Variants in SMG9 observed in about 807,000 individuals in gnomAD.
The protein encoded by SMG9 is nonsense-mediated mRNA decay factor SMG9.
A neutral mutation model predicts 64.0 loss-of-function variants in SMG9; 55 were observed. That is an observed-to-expected ratio of 0.86 (90% CI 0.69 to 1.08). The LOEUF (loss-of-function observed/expected upper bound fraction) is 1.08, where lower values mean the gene tolerates loss of function less well. SMG9 is among the 50% of genes least tolerant of loss of function. SMG9 has a pLI of 0.00. For synonymous variants in SMG9, 244 were observed against 254.8 expected (o/e 0.96, Z 0.41); for missense variants, 554 against 681.3 (o/e 0.81, Z 2.08).
chr19:43,734,150 T>A, intron 10 of SMG9: 1 of 563,548 alleles, frequency 1.8e-6, no homozygotes, highest in South Asian at 2.3e-5. Flanking sequence ...ACCTGGGGCC[T>A]GTCCCATTCC....
At position 43,730,039 on chromosome 19, in the gene SMG9, AC is replaced by A. The variant is rs1205670887; in HGVS notation, c.*1556del. ...GCCCTGCTGAGTGCTTTCTTCACTG[AC>A]CCCCCGCCCCCCCTCACTTCAGTTG... On this transcript the variant is annotated 3_prime_UTR_variant, in exon 14 of 14. Coordinates refer to ENST00000270066, the MANE Select transcript of SMG9 (RefSeq NM_019108.4). 22 of 151,288 alleles carry A rather than the reference AC, an allele frequency of 1.5e-4. No individual in the cohort carries two copies. The East Asian group carries it at 3.9e-3, about 27-fold the overall frequency. 9.4% of individuals were successfully genotyped at this position (151,288 alleles called of 1,614,324 possible). A position where few individuals can be genotyped will look rare whatever the true frequency, so the allele number is the denominator to read the frequency against.
chr19:43,745,696 G>GT (rs2146394232), intron 5 of SMG9, among the ~76,000 whole-genome samples: 1 of 152,126 alleles, frequency 6.6e-6, no homozygotes, highest in African/African-American at 2.4e-5. Context: ...GTGAAACTCC[G>GT]TCTCTACCAA....
At position 43,748,018 on chromosome 19, in the gene SMG9, T is replaced by G; in HGVS notation, c.185A>C (p.Gln62Pro). ...ASEETSTSVM[Q>P]KTPIILSKPP... Reference sequence around the variant, plus strand: ...TTTTGAGAGGATGATGGGGGTTTTCTGCATGACGGAAGTGCTTGTCTCTTC... The same window carrying G: ...TTTTGAGAGGATGATGGGGGTTTTCGGCATGACGGAAGTGCTTGTCTCTTC... The change falls in exon 3 of 14, where the codon CAG becomes CCG. Residue 62 changes from glutamine to proline, a missense_variant. By Grantham distance (76) the Gln-to-Pro change is moderately conservative. Transcript: ENST00000270066. The G allele has an allele frequency of 6.2e-7, 1 of 1,613,274 alleles. No homozygotes were observed. Among genetic ancestry groups the G allele is most frequent in the East Asian group, 2.2e-5 (1 of 44,864 alleles).
At position 43,729,289 on chromosome 19, in the gene SMG9, G is replaced by C. The variant is rs981693292; in HGVS notation, c.*2307C>G. 1 of 152,318 alleles carries C rather than the reference G, an allele frequency of 6.6e-6. No individual in the cohort carries two copies. Among genetic ancestry groups the C allele is most frequent in the African/African-American group, 2.4e-5 (1 of 41,432 alleles). 9.4% of individuals were successfully genotyped at this position (152,318 alleles called of 1,614,324 possible). A position where few individuals can be genotyped will look rare whatever the true frequency, so the allele number is the denominator to read the frequency against. ...CATCCGGGCATCCTGGTCACCTGCA[G>C]CACCTCCTTCACCACCATCTACCGG... On this transcript the variant is annotated 3_prime_UTR_variant, in exon 14 of 14. Transcript: ENST00000270066.
chr19:43,754,876 G>C lies in SMG9; in HGVS notation c.-229C>G, dbSNP rs1227954179. ...CTGGGCCGAAGGAAGAAGAGGAGGA[G>C]GATGTAACGCGGGCCCGAGCTGAGA... is the stretch of plus-strand genomic sequence containing the variant. On this transcript the variant is annotated 5_prime_UTR_variant, in exon 1 of 14. Coordinates refer to ENST00000270066, the MANE Select transcript of SMG9 (RefSeq NM_019108.4). 6.6e-6 allele frequency: 1 copy of C among 152,384 alleles called. No individual in the cohort carries two copies. The highest frequency in any genetic ancestry group is 2.4e-5 in the African/African-American group (1 of 41,476). The allele number at this position is 152,384 out of a possible 1,614,324, so 9.4% of individuals were successfully genotyped here.
intron 9 of SMG9, 47 bp from the exon 10 acceptor site, chr19:43,734,542 G>T: frequency 7.4e-7 from 1 of 1,346,768 alleles, no homozygotes; most frequent in Non-Finnish European, 1.0e-6. Context: ...TTGCACCCCA[G>T]GTCCCACAGC....
At position 43,733,711 on chromosome 19, in the gene SMG9, G is replaced by A. The variant is rs775687141; in HGVS notation, c.1125C>T (p.Arg375=). Residue 375 remains arginine, a synonymous_variant, in exon 11 of 14, where the codon CGC becomes CGT. Transcript: ENST00000270066. ...PHLVFLQNKA[R]REDFCPRKLR... ...GCTTCCGAGGACAGAAGTCCTCTCG[G>A]CGAGCTTTGTTCTGCAAGAAGACTG... is the stretch of plus-strand genomic sequence containing the variant. 11 of 1,614,046 alleles carry A rather than the reference G, an allele frequency of 6.8e-6. No individual in the cohort carries two copies.
rs756890866 is a variant in SMG9 at position 43,732,914 on chromosome 19, T to C, written c.1428A>G (p.Gln476=). The C allele has an allele frequency of 1.2e-5, 19 of 1,613,804 alleles. No homozygotes were observed. The highest frequency in any genetic ancestry group is 1.6e-5 in the Non-Finnish European group (19 of 1,179,994). The change falls in exon 13 of 14, where the codon CAA becomes CAG. Residue 476 remains glutamine, a synonymous_variant. Transcript: ENST00000270066. ...FQSLVSKLRS[Q]VMSMARPQLS... ...GCTGTGGCCGGGCCATGGACATCAC[T>C]TGGCTCCGGAGCTTGCTCACCAAGG...
intron 1 of SMG9, among the ~76,000 whole-genome samples, chr19:43,753,737 C>T (rs1016857725): frequency 2.6e-5 from 4 of 151,976 alleles, no homozygotes; most frequent in Non-Finnish European, 5.9e-5. Flanking sequence ...ATCGGATTCC[C>T]CGGGTAAGCC....
In SMG9 at chr19:43,747,659, C is replaced by A; in HGVS notation, c.464G>T (p.Gly155Val). 1 of 1,613,164 alleles carries A rather than the reference C, an allele frequency of 6.2e-7. No homozygotes were observed. The highest frequency in any genetic ancestry group is 8.5e-7 in the Non-Finnish European group (1 of 1,179,598). ...GTCCATGGCTGCTGGTGCGGCAGTGCCCATGCCCCGGTTCTGGATCTGGTA... is the reference window on the plus strand; with the variant it reads ...GTCCATGGCTGCTGGTGCGGCAGTGACCATGCCCCGGTTCTGGATCTGGTA... ...PVYQIQNRGM[G>V]TAAPAAMDPV... Residue 155 changes from glycine (G) to valine (V), a missense_variant, in exon 4 of 14, where the codon GGC becomes GTC. Physicochemically the swap from Gly to Val is moderately radical, Grantham distance 109 (BLOSUM62 -3). Coordinates refer to ENST00000270066, the MANE Select transcript of SMG9 (RefSeq NM_019108.4).
chr19:43,737,903 C>G, intron 8 of SMG9: 2 of 648,726 alleles, frequency 3.1e-6, no homozygotes, highest in East Asian at 2.7e-5. Context: ...GCTGAGGCGT[C>G]AAAGGGGAGG....
chr19:43,738,182 G>A lies in SMG9; in HGVS notation c.849C>T (p.Ile283=). The stretch of plus-strand genomic sequence containing the variant: ...CTGGAGGCAGTTTGCGGTCATTATT[G>A]ATGAGATGGTCTAGGATAGAAGGGC... ...ILSPSILDHL[I]NNDRKLPPEY... Residue 283 remains isoleucine, a synonymous_variant, in exon 8 of 14, where the codon ATC becomes ATT. Coordinates refer to ENST00000270066, the MANE Select transcript of SMG9 (RefSeq NM_019108.4). 2 of 1,614,128 alleles carry A rather than the reference G, an allele frequency of 1.2e-6. No homozygotes were observed. Among genetic ancestry groups the A allele is most frequent in the Non-Finnish European group, 1.7e-6 (2 of 1,180,008 alleles).
intron 6 of SMG9, among the ~76,000 whole-genome samples, chr19:43,740,718 T>C (rs1968820625): frequency 1.3e-5 from 2 of 152,054 alleles, no homozygotes; most frequent in South Asian, 4.1e-4. Flanking sequence ...ATCCCAGGCA[T>C]TGGAGAGAGA....
At chr19:43,740,763 A>G (rs759672410) in intron 6 of SMG9, among the ~76,000 whole-genome samples, 1 of 151,192 alleles carries the variant, frequency 6.6e-6, no homozygotes. Context: ...AGTGAGAGAG[A>G]GTTTGGGTCT....
At position 43,747,852 on chromosome 19, in the gene SMG9, G is replaced by A. The variant is rs1241171957; in HGVS notation, c.271C>T (p.Pro91Ser). The change falls in exon 4 of 14, where the codon CCA becomes TCA. Residue 91 changes from proline (P) to serine (S), a missense_variant. Pro to Ser is a moderately conservative substitution (Grantham distance 74, BLOSUM62 -1). Transcript: ENST00000270066. ...ACGATGGGCTTCTCCAGAGGGGCTG[G>A]AGCAGGCGGGGCAGCAGGGGCTGTT... The part of the protein sequence containing the change: ...PPTAPAAPPA[P>S]APLEKPIVLM... The A allele has an allele frequency of 6.2e-7, 1 of 1,607,946 alleles. No homozygotes were observed. Among genetic ancestry groups the A allele is most frequent in the South Asian group, 1.1e-5 (1 of 90,152 alleles).
rs373188631 is a variant in SMG9, at chr19:43,731,027, T to C, written c.*569A>G. 337 of 751,708 alleles carry C rather than the reference T, an allele frequency of 4.5e-4. 5 individuals carry two copies. In the South Asian group the frequency reaches 0.018, roughly 41 times the overall value. 46.6% of individuals were successfully genotyped at this position (751,708 alleles called of 1,614,324 possible). On this transcript the variant is annotated 3_prime_UTR_variant, in exon 14 of 14. Coordinates refer to ENST00000270066, the MANE Select transcript of SMG9 (RefSeq NM_019108.4). ...CTTGATGCCACCCCAGGAAACAGAA[T>C]AACCCCTTCTAGGGACTTCTTAGCA...
intron 7 of SMG9, among the ~76,000 whole-genome samples, chr19:43,738,796 A>G (rs1433904456): frequency 1.3e-5 from 2 of 152,226 alleles, no homozygotes; most frequent in African/African-American, 4.8e-5. Flanking sequence ...CCAAACATTG[A>G]GCAGTGCTCT....
intron 9 of SMG9, chr19:43,734,845 G>A (rs888029118): frequency 5.2e-5 from 10 of 193,042 alleles, no homozygotes; most frequent in Non-Finnish European, 2.1e-5. Context: ...TCTCCAACCT[G>A]AATGGTTCAT....
chr19:43,754,093 G>A (rs1376284135), intron 1 of SMG9, among the ~76,000 whole-genome samples: 1 of 152,122 alleles, frequency 6.6e-6, no homozygotes. Flanking sequence ...TTTTTGGGGA[G>A]TGTCTCCTCA....
Sources: gnomAD v4.1 joint callset for allele counts (sites outside exome capture counted in the v4.1 genomes callset) on GRCh38, gnomAD v4.1.1 for gene constraint, MANE v1.5 for transcripts, NCBI Gene and HGNC (gene_info 2026-07-23, HGNC 2026-07-21) for gene names.